Variants in SH2D4B observed in about 807,000 individuals in gnomAD.
SH2D4B encodes the protein SH2 domain-containing protein 4B.
SH2D4B carries 45 observed loss-of-function variants against 61.5 expected under a neutral mutation model. The ratio of observed to expected loss-of-function variants is 0.73; its 90% CI spans 0.58 to 0.94. SH2D4B has a LOEUF of 0.94. Among genes scored for constraint, SH2D4B ranks in the 40% least tolerant of loss-of-function variants. The pLI is 0.00. For synonymous variants in SH2D4B, 224 were observed against 220.4 expected, an observed-to-expected ratio of 1.02 and a Z score of -0.14; for missense variants, 572 against 574.2, an observed-to-expected ratio of 1.00 and a Z score of 0.04.
chr10:80,588,233 C>T (rs1054386489), intron 3 of SH2D4B, among the ~76,000 whole-genome samples: 2 of 152,196 alleles, frequency 1.3e-5, no homozygotes, highest in African/African-American at 4.8e-5. Flanking sequence ...AGAAATATAA[C>T]AATGTGTAAG....
intron 1 of SH2D4B, among the ~76,000 whole-genome samples, chr10:80,540,119 T>C (rs1841558861): frequency 6.6e-6 from 1 of 152,262 alleles, no homozygotes; most frequent in Admixed American, 6.5e-5. Flanking sequence ...GTATAAATTA[T>C]ACATTAAACT....
At chr10:80,632,124 C>T (rs1842839797) in intron 6 of SH2D4B, among the ~76,000 whole-genome samples, 1 of 151,672 alleles carries the variant, frequency 6.6e-6, no homozygotes, top group African/African-American at 2.4e-5. Context: ...ATAGTTGTCT[C>T]CACAAAAAGT....
intron 7 of SH2D4B, among the ~76,000 whole-genome samples, chr10:80,635,780 C>A (rs1840154854): frequency 6.6e-6 from 1 of 152,036 alleles, no homozygotes; most frequent in Admixed American, 6.6e-5. Context: ...AGGGAGGCAT[C>A]TTTTTATTTA....
At chr10:80,568,777 G>C (rs1003900564) in intron 1 of SH2D4B, among the ~76,000 whole-genome samples, 12 of 152,148 alleles carry the variant, frequency 7.9e-5, no homozygotes, top group Non-Finnish European at 1.6e-4. Flanking sequence ...AAAGCACTCA[G>C]TTCTTTCTTG....
At chr10:80,597,361 G>A (rs1181707807) in intron 4 of SH2D4B, among the ~76,000 whole-genome samples, 1 of 152,172 alleles carries the variant, frequency 6.6e-6, no homozygotes, top group East Asian at 1.9e-4. Flanking sequence ...TGCCAACATA[G>A]GTTTGTATAA....
chr10:80,604,200 C>A lies in SH2D4B; in HGVS notation c.860+405C>A, dbSNP rs575738608. On this transcript the variant is annotated intron_variant, in intron 5 of 7. Transcript: ENST00000646907. ...CGGGCAGCCTGGACACCAGGGCTTG[C>A]TGCCTGTCGGAGCCCCAGGCAAGCC... 3.6e-3 allele frequency among the ~76,000 whole-genome samples: 541 copies of A among 152,314 alleles called. 1 individual carries two copies. The highest frequency in any genetic ancestry group is 5.1e-3 in the Non-Finnish European group (348 of 68,024).
At chr10:80,581,641 A>T (rs1025771245) in intron 3 of SH2D4B, among the ~76,000 whole-genome samples, 1 of 151,520 alleles carries the variant, frequency 6.6e-6, no homozygotes, top group Non-Finnish European at 1.5e-5. Flanking sequence ...CACGAAGCCA[A>T]CCCTGCCACA....
At chr10:80,589,115 T>C (rs973484233) in intron 4 of SH2D4B, among the ~76,000 whole-genome samples, 3 of 152,054 alleles carry the variant, frequency 2.0e-5, no homozygotes, top group Admixed American at 2.0e-4. Flanking sequence ...GTGATTCTCC[T>C]GCCTCAGCCT....
intron 6 of SH2D4B, among the ~76,000 whole-genome samples, chr10:80,629,676 A>G (rs552222530): frequency 5.0e-4 from 76 of 152,326 alleles, no homozygotes; most frequent in Non-Finnish European, 9.7e-4. Flanking sequence ...AGTGCATCCA[A>G]TGCAGCTAGT....
At chr10:80,609,091 C>T (rs967045992) in intron 5 of SH2D4B, among the ~76,000 whole-genome samples, 1 of 152,204 alleles carries the variant, frequency 6.6e-6, no homozygotes, top group South Asian at 2.1e-4. Context: ...ACACCCCCTC[C>T]TAGCCTCTTT....
intron 1 of SH2D4B, among the ~76,000 whole-genome samples, chr10:80,557,707 A>C (rs1319265729): frequency 1.3e-5 from 2 of 152,144 alleles, no homozygotes; most frequent in African/African-American, 4.8e-5. Context: ...TCATGCCTGA[A>C]AGTTGTGTCT....
intron 6 of SH2D4B, among the ~76,000 whole-genome samples, chr10:80,630,579 G>T (rs1397861516): frequency 6.6e-6 from 1 of 152,228 alleles, no homozygotes; most frequent in Non-Finnish European, 1.5e-5. Flanking sequence ...GAGAACAGAG[G>T]ATTGATGTGC....
Position 80,644,105 on chromosome 10 carries a change from G to A in SH2D4B, c.*20G>A, listed in dbSNP as rs1840355173. ...GAATAATTTTTTTCCTTATCAATTG[G>A]ATTCATTTTGGTATCCTGTTTTTGA... On this transcript the variant is annotated 3_prime_UTR_variant, in exon 8 of 8. Coordinates refer to ENST00000646907, the MANE Select transcript of SH2D4B (RefSeq NM_001388272.1). 1 of 1,597,936 alleles carries A rather than the reference G, an allele frequency of 6.3e-7. No individual in the cohort carries two copies. Among genetic ancestry groups the A allele is most frequent in the South Asian group, 1.1e-5 (1 of 90,560 alleles).
chr10:80,632,407 T>A (rs1160399974), intron 6 of SH2D4B, among the ~76,000 whole-genome samples: 1 of 152,118 alleles, frequency 6.6e-6, no homozygotes, highest in African/African-American at 2.4e-5. Context: ...TATTCATCAA[T>A]GAAAAAGTAA....
rs1456044056 is a variant in SH2D4B, at chr10:80,577,685, C to A, written c.495+6107C>A. Reference sequence around the variant, plus strand: ...TTGCGATCCACCCGCCTCAGCCTCCCAAAGCGCCGGGATTACAGGTGTGAG... The same window carrying A: ...TTGCGATCCACCCGCCTCAGCCTCCAAAAGCGCCGGGATTACAGGTGTGAG... On this transcript the variant is annotated intron_variant, in intron 3 of 7. Transcript: ENST00000646907. Among the ~76,000 whole-genome samples, 6 of 152,118 alleles carry A rather than the reference C, an allele frequency of 3.9e-5. No individual in the cohort carries two copies. In the East Asian group the frequency reaches 1.2e-3, roughly 29 times the overall value.
chr10:80,643,854 C>T (rs1233520817), intron 7 of SH2D4B, 139 bp from the exon 8 acceptor site: 4 of 482,940 alleles, frequency 8.3e-6, no homozygotes, highest in Non-Finnish European at 1.4e-5. Context: ...CTCTTTTTTC[C>T]TGTCATTTCT....
chr10:80,569,442 T>C (rs576457669), intron 1 of SH2D4B, among the ~76,000 whole-genome samples: 1 of 151,290 alleles, frequency 6.6e-6, no homozygotes, highest in South Asian at 2.1e-4. Context: ...GCAACTTTAT[T>C]TCGGAGACCC....
chr10:80,549,314 T>C (rs541900837), intron 1 of SH2D4B, among the ~76,000 whole-genome samples: 1 of 152,244 alleles, frequency 6.6e-6, no homozygotes, highest in African/African-American at 2.4e-5. Flanking sequence ...TTCTGTTCCA[T>C]CTGCCTGGAC....
intron 4 of SH2D4B, among the ~76,000 whole-genome samples, chr10:80,591,898 C>T (rs1237693117): frequency 2.0e-5 from 3 of 152,202 alleles, no homozygotes; most frequent in Admixed American, 6.5e-5. Context: ...AGGATTAATC[C>T]ATTCTTGAAG....
Sources: allele counts gnomAD v4.1 joint callset (sites outside exome capture counted in the v4.1 genomes callset), GRCh38; gene constraint gnomAD v4.1.1; transcripts MANE v1.5; gene names NCBI Gene and HGNC (gene_info 2026-07-23, HGNC 2026-07-21).